The following DCAF5 variants were observed in gnomAD, a reference collection of about 807,000 sequenced individuals.
DCAF5 encodes DDB1- and CUL4-associated factor 5.
DCAF5 carries 9 observed loss-of-function variants against 80.7 expected under a neutral mutation model. The ratio of observed to expected loss-of-function variants is 0.11; its 90% confidence interval spans 0.07 to 0.19. The LOEUF is 0.19. Among genes scored for constraint, DCAF5 ranks in the 10% least tolerant of loss-of-function variants. The pLI, the probability that DCAF5 is intolerant of heterozygous loss-of-function variation, is 1.00. For synonymous variants in DCAF5, 433 were observed against 461.9 expected, an observed-to-expected ratio of 0.94 and a Z score of 0.80; for missense variants, 842 against 1,205.7, an observed-to-expected ratio of 0.70 and a Z score of 4.47.
chr14:69,087,204 T>A (rs1204801405), intron 6 of DCAF5, among the ~76,000 whole-genome samples: 3 of 152,198 alleles, frequency 2.0e-5, no homozygotes, highest in Non-Finnish European at 4.4e-5. Flanking sequence ...TATATGTGCA[T>A]GCCAGAAAAG....
chr14:69,143,614 G>C (rs2041443502), intron 1 of DCAF5, among the ~76,000 whole-genome samples: 1 of 146,114 alleles, frequency 6.8e-6, no homozygotes, highest in Non-Finnish European at 1.5e-5. Flanking sequence ...ATTGGGCGAG[G>C]CATTCCTTAA....
At chr14:69,101,038 T>C (rs913130001) in intron 5 of DCAF5, among the ~76,000 whole-genome samples, 18 of 152,214 alleles carry the variant, frequency 1.2e-4, no homozygotes, top group Non-Finnish European at 8.8e-5. Flanking sequence ...AATAATCCTA[T>C]AAAATAGACA....
chr14:69,136,035 G>A (rs549240036), intron 1 of DCAF5, among the ~76,000 whole-genome samples: 6 of 151,540 alleles, frequency 4.0e-5, no homozygotes, highest in African/African-American at 1.2e-4. Context: ...ACTTGTTTTG[G>A]TACAGTATTA....
chr14:69,076,516 A>C (rs932193847), intron 6 of DCAF5, among the ~76,000 whole-genome samples: 2 of 152,252 alleles, frequency 1.3e-5, no homozygotes, highest in Non-Finnish European at 2.9e-5. Context: ...CGTTATACTA[A>C]ATGAAATAAG....
intron 8 of DCAF5, among the ~76,000 whole-genome samples, chr14:69,060,260 G>C (rs1244774428): frequency 6.6e-6 from 1 of 152,208 alleles, no homozygotes; most frequent in Non-Finnish European, 1.5e-5. Context: ...CTTCCCACCA[G>C]CATGGCAAAT....
At chr14:69,096,291 A>G (rs2039711488) in intron 5 of DCAF5, among the ~76,000 whole-genome samples, 1 of 152,196 alleles carries the variant, frequency 6.6e-6, no homozygotes, top group Admixed American at 6.5e-5. Context: ...CTCCAGAGGG[A>G]ACCAGAACTG....
intron 5 of DCAF5, among the ~76,000 whole-genome samples, chr14:69,102,195 G>A (rs1369922349): frequency 1.4e-5 from 2 of 139,444 alleles, no homozygotes; most frequent in Admixed American, 7.7e-5. Flanking sequence ...TGCAACCTCC[G>A]CCTCCTGAGT....
intron 1 of DCAF5, among the ~76,000 whole-genome samples, chr14:69,126,907 CAA>C (rs2040894909): frequency 1.3e-5 from 2 of 152,142 alleles, no homozygotes; most frequent in Non-Finnish European, 2.9e-5. Context: ...AAAATTAACT[CAA>C]GATTGATTAT....
Position 69,054,090 on chromosome 14 carries a change from C to T in DCAF5, c.2596G>A (p.Asp866Asn). The T allele has an allele frequency of 6.2e-7, 1 of 1,614,242 alleles. No individual in the cohort carries two copies. The highest frequency in any genetic ancestry group is 1.1e-5 in the South Asian group (1 of 91,086). Reference protein sequence around the residue: ...VVAYSSPGHSDTDRDNSSLTG... With the variant: ...VVAYSSPGHSNTDRDNSSLTG... ...AGGGACGAGTTATCACGGTCAGTGT[C>T]TGAGTGTCCTGGGGAAGAGTAGGCC... The change falls in exon 9 of 9, where the codon GAC becomes AAC. Residue 866 changes from aspartate (D) to asparagine (N), a missense_variant. Physicochemically the swap from Asp to Asn is conservative, Grantham distance 23. Coordinates refer to ENST00000341516, the MANE Select transcript of DCAF5 (RefSeq NM_003861.3).
intron 5 of DCAF5, among the ~76,000 whole-genome samples, chr14:69,095,548 A>C (rs991604466): frequency 1.5e-5 from 2 of 132,734 alleles, no homozygotes; most frequent in Middle Eastern, 3.5e-3. Context: ...TGTTTTTTTA[A>C]GTACACACAC....
rs1246124204 is a variant in DCAF5 at position 69,089,042 on chromosome 14, AT to A, written c.879+2631del. 3.3e-5 allele frequency among the ~76,000 whole-genome samples: 5 copies of A among 152,316 alleles called. No homozygotes were observed. The East Asian group carries it at 9.6e-4, about 29-fold the overall frequency. ...AGATTAGTTCCACTATAAATCCATT[AT>A]TTAATTCATCCTCCTAATTGGATGA... On this transcript the variant is annotated intron_variant, in intron 6 of 8. Transcript: ENST00000341516.
chr14:69,108,393 G>GT (rs1375464274), intron 5 of DCAF5, among the ~76,000 whole-genome samples: 1 of 152,152 alleles, frequency 6.6e-6, no homozygotes, highest in Non-Finnish European at 1.5e-5. Context: ...ATGTGTATGT[G>GT]TTTTGGGGGG....
At chr14:69,141,016 C>A (rs1372951300) in intron 1 of DCAF5, among the ~76,000 whole-genome samples, 2 of 151,818 alleles carry the variant, frequency 1.3e-5, no homozygotes, top group South Asian at 2.1e-4. Context: ...CACCTCTAAT[C>A]CCAACGGGAT....
chr14:69,135,850 G>A (rs1347007002), intron 1 of DCAF5, among the ~76,000 whole-genome samples: 3 of 152,192 alleles, frequency 2.0e-5, no homozygotes, highest in Admixed American at 2.0e-4. Flanking sequence ...GAAAAACTCA[G>A]TGAACCAGTA....
At chr14:69,097,319 T>C (rs1291486115) in intron 5 of DCAF5, among the ~76,000 whole-genome samples, 1 of 152,146 alleles carries the variant, frequency 6.6e-6, no homozygotes, top group African/African-American at 2.4e-5. Context: ...AGCCACTCAT[T>C]GAGAACATGT....
Position 69,122,204 on chromosome 14 carries a change from T to C in DCAF5, c.358+13A>G. 1.9e-6 allele frequency: 3 copies of C among 1,609,260 alleles called. No homozygotes were observed. The highest frequency in any genetic ancestry group is 2.6e-6 in the Non-Finnish European group (3 of 1,176,060). ...CCACAGTGACGTTCCCAAGGTAGAA[T>C]CTCCCTTTTTACCTCCAGAGAACAC... On this transcript the variant is annotated intron_variant, in intron 2 of 8. Transcript: ENST00000341516.
At chr14:69,141,481 C>A (rs907945987) in intron 1 of DCAF5, among the ~76,000 whole-genome samples, 1 of 152,078 alleles carries the variant, frequency 6.6e-6, no homozygotes, top group Non-Finnish European at 1.5e-5. Flanking sequence ...TTAGGTATAT[C>A]TCCTAATGCT....
At chr14:69,060,055 G>A (rs1186654799) in intron 8 of DCAF5, among the ~76,000 whole-genome samples, 2 of 152,124 alleles carry the variant, frequency 1.3e-5, no homozygotes, top group Non-Finnish European at 2.9e-5. Flanking sequence ...AATTCCTCTT[G>A]TAAAGGAGAT....
intron 5 of DCAF5, among the ~76,000 whole-genome samples, chr14:69,108,879 C>T (rs1166744446): frequency 6.6e-6 from 1 of 152,122 alleles, no homozygotes; most frequent in Non-Finnish European, 1.5e-5. Context: ...TATAATACCA[C>T]CAAAATTTCT....
Sources: allele counts gnomAD v4.1 joint callset (sites outside exome capture counted in the v4.1 genomes callset), GRCh38; gene constraint gnomAD v4.1.1; transcripts MANE v1.5; gene names NCBI Gene and HGNC (gene_info 2026-07-23, HGNC 2026-07-21).